KANK4: variants seen among roughly 807,000 people sequenced by gnomAD.
KANK4 encodes the protein KN motif and ankyrin repeat domain-containing protein 4.
In KANK4, 50 loss-of-function variants were observed where a neutral mutation model predicts 80.8. The observed-to-expected ratio is 0.62, with a 90% CI of 0.49 to 0.78. The LOEUF (loss-of-function observed/expected upper bound fraction) is 0.78. KANK4 is among the 30% of genes least tolerant of loss of function. KANK4 has a pLI of 0.00. For synonymous variants in KANK4, 465 were observed against 506.9 expected (o/e 0.92, Z 1.11); for missense variants, 1,196 against 1,240.1 (o/e 0.96, Z 0.53).
chr1:62,282,361 C>T (rs1672469506), intron 1 of KANK4, among the ~76,000 whole-genome samples: 1 of 152,184 alleles, frequency 6.6e-6, no homozygotes, highest in East Asian at 1.9e-4. Context: ...GCTCCTGCCC[C>T]CATTACAATG....
chr1:62,244,821 G>T (rs1232157029), intron 9 of KANK4, among the ~76,000 whole-genome samples: 3 of 152,168 alleles, frequency 2.0e-5, no homozygotes, highest in Non-Finnish European at 4.4e-5. Context: ...CTCCCAAAGT[G>T]TTGGGATTAC....
intron 9 of KANK4, among the ~76,000 whole-genome samples, chr1:62,243,896 T>C (rs571354655): frequency 6.6e-6 from 1 of 152,308 alleles, no homozygotes; most frequent in East Asian, 1.9e-4. Context: ...AAGACCTTTG[T>C]TCTCCCTGCT....
At chr1:62,301,318 C>T (rs1163949864) in intron 1 of KANK4, among the ~76,000 whole-genome samples, 2 of 152,050 alleles carry the variant, frequency 1.3e-5, no homozygotes, top group African/African-American at 4.8e-5. Flanking sequence ...TCTTGCATTG[C>T]ACAGCAGGGA....
chr1:62,247,532 G>A lies in KANK4; in HGVS notation c.2823C>T (p.Asn941=), dbSNP rs1468527931. The A allele has an allele frequency of 7.4e-6, 12 of 1,613,918 alleles. No individual in the cohort carries two copies. Among genetic ancestry groups the A allele is most frequent in the African/African-American group, 2.7e-5 (2 of 74,896 alleles). Residue 941 remains asparagine (N), a synonymous_variant, in exon 9 of 10, where the codon AAC becomes AAT. Coordinates refer to ENST00000371153, the MANE Select transcript of KANK4 (RefSeq NM_181712.5). Reference sequence around the variant, plus strand: ...CCAGGAGCAGCCGCACCAGGTCCACGTTGCCATGGTGACAGGCCACCATGA... The same window carrying A: ...CCAGGAGCAGCCGCACCAGGTCCACATTGCCATGGTGACAGGCCACCATGA... ...SALMVACHHG[N]VDLVRLLLAH... is the part of the protein sequence containing the mutation.
At position 62,290,006 on chromosome 1, in the gene KANK4, G is replaced by A. The variant is rs1366214700; in HGVS notation, c.-70-8372C>T. Among the ~76,000 whole-genome samples the A allele has an allele frequency of 4.6e-5, 7 of 152,184 alleles. 1 individual carries two copies. Among genetic ancestry groups the A allele is most frequent in the Admixed American group, 4.6e-4 (7 of 15,282 alleles). On this transcript the variant is annotated intron_variant, in intron 1 of 9. Coordinates refer to ENST00000371153, the MANE Select transcript of KANK4 (RefSeq NM_181712.5). ...TTTCCTATAAGTCACGGAGCTGTCA[G>A]AAAGATTAAATAGGATGACAATACA...
Position 62,237,055 on chromosome 1 carries a change from A to C in KANK4, c.*1222T>G, listed in dbSNP as rs1309581828. ...ACCCAGCAAATTGGCATCTGAGCCA[A>C]AATGAGAGTGCAAGCTTTTGAGTTT... On this transcript the variant is annotated 3_prime_UTR_variant, in exon 10 of 10. Transcript: ENST00000371153. The C allele has an allele frequency of 6.6e-6, 1 of 152,100 alleles. No individual in the cohort carries two copies. The highest frequency in any genetic ancestry group is 1.5e-5 in the Non-Finnish European group (1 of 68,022). The allele number at this position is 152,100 out of a possible 1,614,324, so 9.4% of individuals were successfully genotyped here.
intron 1 of KANK4, 40 bp downstream of exon 1, chr1:62,319,066 C>A (rs1307875028): frequency 1.3e-5 from 2 of 152,292 alleles, no homozygotes; most frequent in African/African-American, 4.8e-5. Flanking sequence ...AACACCCCAG[C>A]AGACGCACTG....
At chr1:62,238,666 A>G (rs917271695) in intron 9 of KANK4, among the ~76,000 whole-genome samples, 2 of 145,136 alleles carry the variant, frequency 1.4e-5, no homozygotes, top group African/African-American at 2.5e-5. Flanking sequence ...GTCTCACTCT[A>G]TCGCCCAGGG....
At chr1:62,278,320 T>TCTTTCTTTCTTTCCTTC (rs1420040026) in intron 2 of KANK4, among the ~76,000 whole-genome samples, 1 of 60,530 alleles carries the variant, frequency 1.7e-5, no homozygotes, top group African/African-American at 5.5e-5. Context: ...ACATTTTCTT[T>TCTTTCTTTCTTTCCTTC]CTTCCTTCCT....
chr1:62,242,793 A>G (rs1671375477), intron 9 of KANK4, among the ~76,000 whole-genome samples: 1 of 152,224 alleles, frequency 6.6e-6, no homozygotes, highest in South Asian at 2.1e-4. Context: ...CTCCATAGGA[A>G]AGATGAATAC....
At chr1:62,292,888 C>T (rs1301771250) in intron 1 of KANK4, among the ~76,000 whole-genome samples, 2 of 152,160 alleles carry the variant, frequency 1.3e-5, no homozygotes, top group Non-Finnish European at 2.9e-5. Context: ...GTCTCATGGT[C>T]CCTGTCTAGT....
At chr1:62,288,689 GGAGA>G (rs3861938) in intron 1 of KANK4, among the ~76,000 whole-genome samples, 54,334 of 151,800 alleles carry the variant, frequency 0.36, 10,663 homozygotes, top group East Asian at 0.64. Context: ...CCAGTTGTAG[GGAGA>G]GAGGAGGCTG....
chr1:62,297,092 C>T (rs1271428460), intron 1 of KANK4, among the ~76,000 whole-genome samples: 2 of 151,844 alleles, frequency 1.3e-5, no homozygotes, highest in Non-Finnish European at 2.9e-5. Flanking sequence ...TGATGCGCAC[C>T]GATAGTCCCA....
chr1:62,251,281 G>A (rs543682667), intron 8 of KANK4, among the ~76,000 whole-genome samples: 2 of 152,226 alleles, frequency 1.3e-5, no homozygotes, highest in South Asian at 4.2e-4. Context: ...TTCGGCTGTG[G>A]GTAATACACA....
At position 62,263,101 on chromosome 1, in the gene KANK4, G is replaced by C; in HGVS notation, c.2530C>G (p.Leu844Val). 6.2e-7 allele frequency: 1 copy of C among 1,610,878 alleles called. No individual in the cohort carries two copies. Among genetic ancestry groups the C allele is most frequent in the Non-Finnish European group, 8.5e-7 (1 of 1,177,558 alleles). The part of the protein sequence containing the change: ...HSNFSIVKLL[L>V]ETGVCNVDHQ... ...TGCAACCACTTCTGACCTGTCTCCA[G>C]CAGCAGCTTCACGATGGAGAAGTTG... The change falls in exon 7 of 10, where the codon CTG becomes GTG. Residue 844 changes from leucine (L) to valine (V), a missense_variant. Leu to Val is a conservative substitution (Grantham distance 32, BLOSUM62 1). Coordinates refer to ENST00000371153, the MANE Select transcript of KANK4 (RefSeq NM_181712.5).
intron 1 of KANK4, among the ~76,000 whole-genome samples, chr1:62,306,666 A>G (rs1644453999): frequency 6.6e-6 from 1 of 152,022 alleles, no homozygotes; most frequent in African/African-American, 2.4e-5. Flanking sequence ...ACCTCTATAT[A>G]TTTTTCAATG....
At chr1:62,262,633 G>A (rs1470099072) in intron 7 of KANK4, among the ~76,000 whole-genome samples, 1 of 151,922 alleles carries the variant, frequency 6.6e-6, no homozygotes, top group African/African-American at 2.4e-5. Context: ...TTATATATAC[G>A]TATATGCACA....
At chr1:62,305,750 A>C (rs951336947) in intron 1 of KANK4, among the ~76,000 whole-genome samples, 1 of 152,090 alleles carries the variant, frequency 6.6e-6, no homozygotes, top group African/African-American at 2.4e-5. Flanking sequence ...GAATCCAAAG[A>C]ATGGAAGATG....
intron 1 of KANK4, among the ~76,000 whole-genome samples, chr1:62,287,633 A>G (rs1672598297): frequency 6.6e-6 from 1 of 152,212 alleles, no homozygotes; most frequent in Non-Finnish European, 1.5e-5. Context: ...AAAATGAGAG[A>G]CAGTCTAAGT....
Sources: gnomAD v4.1 joint callset for allele counts (sites outside exome capture counted in the v4.1 genomes callset) on GRCh38, gnomAD v4.1.1 for gene constraint, MANE v1.5 for transcripts, NCBI Gene and HGNC (gene_info 2026-07-23, HGNC 2026-07-21) for gene names.